GRID2: variants seen among roughly 807,000 people sequenced by gnomAD.
GRID2 encodes glutamate receptor ionotropic, delta-2.
Under a neutral mutation model 114.8 loss-of-function variants are expected in GRID2, and 33 were observed. The observed-to-expected ratio is 0.29, with a 90% CI of 0.22 to 0.38. The LOEUF is 0.38. Among genes scored for constraint, GRID2 ranks in the 10% least tolerant of loss-of-function variants. The probability of loss-of-function intolerance (pLI) is 1.00; values close to 1 mark genes in which losing one functional copy is unlikely to be tolerated. For synonymous variants in GRID2, 505 were observed against 449.9 expected, an observed-to-expected ratio of 1.12 and a Z score of -1.55; for missense variants, 1,184 against 1,257.7, an observed-to-expected ratio of 0.94 and a Z score of 0.89.
chr4:92,909,107 T>TAAG (rs1748177601), intron 2 of GRID2, among the ~76,000 whole-genome samples: 3 of 152,186 alleles, frequency 2.0e-5, no homozygotes, highest in African/African-American at 7.2e-5. Flanking sequence ...GTAAGAGTGA[T>TAAG]ATACCTTATC....
chr4:92,309,327 G>A (rs931942790), intron 1 of GRID2, among the ~76,000 whole-genome samples: 5 of 151,630 alleles, frequency 3.3e-5, no homozygotes, highest in East Asian at 1.9e-4. Flanking sequence ...CTACACCTAC[G>A]TATATGACTT....
intron 14 of GRID2, among the ~76,000 whole-genome samples, chr4:93,705,806 AGTGGAG>A (rs1727949041): frequency 6.6e-6 from 1 of 152,130 alleles, no homozygotes. Flanking sequence ...GGAGTTTCAT[AGTGGAG>A]GTCTTATATT....
At chr4:93,209,612 C>T (rs1327826578) in intron 5 of GRID2, among the ~76,000 whole-genome samples, 2 of 152,042 alleles carry the variant, frequency 1.3e-5, no homozygotes, top group Admixed American at 1.3e-4. Context: ...GGTATATACC[C>T]AGTAATGGGA....
chr4:92,763,493 A>T (rs1738117908), intron 2 of GRID2, among the ~76,000 whole-genome samples: 1 of 152,248 alleles, frequency 6.6e-6, no homozygotes. Flanking sequence ...ACATTTAAAA[A>T]TATAGTTTGG....
intron 13 of GRID2, among the ~76,000 whole-genome samples, chr4:93,548,697 TAAGA>T (rs1235301513): frequency 6.6e-6 from 1 of 152,208 alleles, no homozygotes; most frequent in Admixed American, 6.5e-5. Context: ...CATATTTTTT[TAAGA>T]AAGGGCAGAA....
At chr4:92,768,264 A>C (rs1738363349) in intron 2 of GRID2, among the ~76,000 whole-genome samples, 1 of 152,096 alleles carries the variant, frequency 6.6e-6, no homozygotes, top group Non-Finnish European at 1.5e-5. Flanking sequence ...TTGCATTGCA[A>C]ATTTTCAAAG....
chr4:92,832,793 A>C (rs1742207486), intron 2 of GRID2, among the ~76,000 whole-genome samples: 1 of 152,120 alleles, frequency 6.6e-6, no homozygotes, highest in South Asian at 2.1e-4. Context: ...AATAATAATA[A>C]TAATATAAAA....
intron 2 of GRID2, among the ~76,000 whole-genome samples, chr4:93,058,055 A>G (rs181308596): frequency 7.3e-5 from 11 of 150,780 alleles, no homozygotes; most frequent in Admixed American, 6.7e-4. Context: ...TTTTCCCCAA[A>G]ATAAAGAAGG....
chr4:93,278,940 G>C (rs530699957), intron 8 of GRID2, among the ~76,000 whole-genome samples: 7 of 151,438 alleles, frequency 4.6e-5, no homozygotes, highest in Admixed American at 3.3e-4. Flanking sequence ...TTTAGTCTCA[G>C]TCTCTCTCTC....
chr4:93,778,985 TTA>T (rs1339676863), downstream of GRID2, among the ~76,000 whole-genome samples: 4 of 152,182 alleles, frequency 2.6e-5, no homozygotes, highest in Admixed American at 1.3e-4. Flanking sequence ...ATTTTTAAAC[TTA>T]TTTCTCACTC....
intron 8 of GRID2, among the ~76,000 whole-genome samples, chr4:93,381,959 T>G (rs570270013): frequency 6.6e-6 from 1 of 152,118 alleles, no homozygotes; most frequent in Admixed American, 6.6e-5. Context: ...TCCTCTCAAC[T>G]TTTGTATACC....
chr4:93,513,182 T>C (rs1012308883), intron 12 of GRID2, among the ~76,000 whole-genome samples: 1 of 152,212 alleles, frequency 6.6e-6, no homozygotes, highest in Admixed American at 6.5e-5. Flanking sequence ...TAGATGATGC[T>C]GTGTACAACC....
intron 2 of GRID2, among the ~76,000 whole-genome samples, chr4:92,781,910 A>T (rs538762442): frequency 6.6e-6 from 1 of 152,134 alleles, no homozygotes; most frequent in Non-Finnish European, 1.5e-5. Context: ...ACAGTTTATT[A>T]TAAAACAAAT....
At chr4:92,551,158 C>T (rs1726565270) in intron 1 of GRID2, among the ~76,000 whole-genome samples, 3 of 151,776 alleles carry the variant, frequency 2.0e-5, no homozygotes, top group Non-Finnish European at 4.4e-5. Context: ...ATGATGACAT[C>T]CACAGAGGCT....
intron 1 of GRID2, among the ~76,000 whole-genome samples, chr4:92,395,645 A>G (rs1292606091): frequency 1.3e-5 from 2 of 151,722 alleles, no homozygotes; most frequent in Admixed American, 6.6e-5. Flanking sequence ...CTATCTATCT[A>G]TGTGTCTCAT....
intron 8 of GRID2, among the ~76,000 whole-genome samples, chr4:93,309,634 C>T (rs1392577638): frequency 6.6e-6 from 1 of 152,066 alleles, no homozygotes; most frequent in Non-Finnish European, 1.5e-5. Flanking sequence ...AGGTTTTATA[C>T]TTCTCTTCCA....
chr4:92,972,348 A>G (rs551558947), intron 2 of GRID2, among the ~76,000 whole-genome samples: 4 of 152,062 alleles, frequency 2.6e-5, no homozygotes, highest in Admixed American at 2.0e-4. Context: ...TAAATAGATT[A>G]AGAAGACAAA....
chr4:93,781,902 C>A (rs1734488671), intron 1 of GRID2, among the ~76,000 whole-genome samples: 1 of 152,146 alleles, frequency 6.6e-6, no homozygotes, highest in Non-Finnish European at 1.5e-5. Flanking sequence ...CTTTCACCCT[C>A]TGGATAATAC....
At chr4:93,732,115 A>C (rs969591210) in intron 14 of GRID2, among the ~76,000 whole-genome samples, 2 of 152,216 alleles carry the variant, frequency 1.3e-5, no homozygotes, top group Non-Finnish European at 2.9e-5. Context: ...CCCCATCAGA[A>C]TCCCATTACA....
Sources: allele counts gnomAD v4.1 joint callset (sites outside exome capture counted in the v4.1 genomes callset), GRCh38; gene constraint gnomAD v4.1.1; transcripts MANE v1.5; gene names NCBI Gene and HGNC (gene_info 2026-07-23, HGNC 2026-07-21).